The following PRKCA variants were observed in gnomAD, a reference collection of about 807,000 sequenced individuals.
PRKCA encodes the protein protein kinase C alpha type.
Under a neutral mutation model 87.0 loss-of-function variants are expected in PRKCA, and 27 were observed. That is an observed-to-expected ratio of 0.31 (90% confidence interval 0.23 to 0.43). The LOEUF is 0.43. Ranked by LOEUF, PRKCA falls within the 20% of genes least tolerant of loss-of-function variation. The pLI, the probability that PRKCA is intolerant of heterozygous loss-of-function variation, is 1.00. For synonymous variants in PRKCA, 329 were observed against 311.1 expected (o/e 1.06, Z -0.61); for missense variants, 518 against 852.3 (o/e 0.61, Z 4.88).
intron 2 of PRKCA, among the ~76,000 whole-genome samples, chr17:66,454,782 T>G (rs376642230): frequency 5.9e-5 from 9 of 152,198 alleles, no homozygotes; most frequent in African/African-American, 1.7e-4. Context: ...GAGGTACAAT[T>G]CGAGATGAGA....
intron 2 of PRKCA, among the ~76,000 whole-genome samples, chr17:66,339,216 T>G (rs1306190848): frequency 6.6e-6 from 1 of 152,228 alleles, no homozygotes; most frequent in East Asian, 1.9e-4. Context: ...GTTATAACCT[T>G]CCAGAGTGTT....
At chr17:66,376,214 T>C (rs997272760) in intron 2 of PRKCA, among the ~76,000 whole-genome samples, 3 of 152,148 alleles carry the variant, frequency 2.0e-5, no homozygotes, top group Non-Finnish European at 4.4e-5. Context: ...TGATACCTAG[T>C]CATGTTTGAG....
At chr17:66,490,103 TAATG>T (rs1425923580) in intron 2 of PRKCA, among the ~76,000 whole-genome samples, 1 of 152,130 alleles carries the variant, frequency 6.6e-6, no homozygotes. Context: ...CTTGATGTCA[TAATG>T]AACTCAATTA....
rs148926770 is a variant in PRKCA at position 66,783,342 on chromosome 17, G to A, written c.1606-3525G>A. Among the ~76,000 whole-genome samples, 780 of 152,340 alleles carry A rather than the reference G, an allele frequency of 5.1e-3. 5 individuals carry two copies. The highest frequency in any genetic ancestry group is 0.012 in the Admixed American group (184 of 15,298). On this transcript the variant is annotated intron_variant, in intron 14 of 16. Coordinates refer to ENST00000413366, the MANE Select transcript of PRKCA (RefSeq NM_002737.3). ...ATTTAAATGTTAAAGCAAATTGCCAGAGAGGGGTAGAGGATGCAAACTTGG... is the reference window on the plus strand; with the variant it reads ...ATTTAAATGTTAAAGCAAATTGCCAAAGAGGGGTAGAGGATGCAAACTTGG...
chr17:66,500,354 G>A (rs1010683175), intron 3 of PRKCA, among the ~76,000 whole-genome samples: 13 of 152,202 alleles, frequency 8.5e-5, no homozygotes, highest in Admixed American at 7.9e-4. Context: ...TCTTATGAAG[G>A]TACAAGGTGG....
chr17:66,721,013 C>T (rs1301415108), intron 8 of PRKCA, among the ~76,000 whole-genome samples: 5 of 152,088 alleles, frequency 3.3e-5, no homozygotes, highest in Admixed American at 2.6e-4. Context: ...AATCCAGACC[C>T]CAAGAGAGAG....
chr17:66,306,435 A>G lies in PRKCA; in HGVS notation c.205+308A>G, dbSNP rs531107335. On this transcript the variant is annotated intron_variant, in intron 2 of 16. Transcript: ENST00000413366. Reference sequence around the variant, plus strand: ...TGAGAAAAAAATGGAATCACTTTGTATTCAAGTGGCTTTTCTTCCTTGTTC... The same window carrying G: ...TGAGAAAAAAATGGAATCACTTTGTGTTCAAGTGGCTTTTCTTCCTTGTTC... The G allele has an allele frequency of 1.1e-4, 32 of 291,922 alleles. 1 individual carries two copies. The South Asian group carries it at 2.4e-3, about 22-fold the overall frequency. The allele number at this position is 291,922 out of a possible 1,614,324, so 18.1% of individuals were successfully genotyped here.
At chr17:66,628,505 C>T (rs72845959) in intron 3 of PRKCA, among the ~76,000 whole-genome samples, 348 of 152,114 alleles carry the variant, frequency 2.3e-3, no homozygotes, top group Non-Finnish European at 4.1e-3. Flanking sequence ...CTTTTTTTCT[C>T]TCTCATCTTT....
chr17:66,408,442 G>A (rs1300484316), intron 2 of PRKCA, among the ~76,000 whole-genome samples: 1 of 152,174 alleles, frequency 6.6e-6, no homozygotes, highest in East Asian at 1.9e-4. Context: ...GTAAAAATGA[G>A]GGAATACATT....
At chr17:66,769,739 C>T (rs1303259499) in intron 13 of PRKCA, among the ~76,000 whole-genome samples, 1 of 152,178 alleles carries the variant, frequency 6.6e-6, no homozygotes, top group Non-Finnish European at 1.5e-5. Flanking sequence ...TTTTCTTAGA[C>T]TATTATTTTA....
At chr17:66,557,984 C>T (rs28625506) in intron 3 of PRKCA, among the ~76,000 whole-genome samples, 35,295 of 152,186 alleles carry the variant, frequency 0.23, 4,194 homozygotes, top group South Asian at 0.35. Context: ...CAAATGTACT[C>T]GTTTGCTGAC....
At chr17:66,608,888 A>T (rs1474298345) in intron 3 of PRKCA, among the ~76,000 whole-genome samples, 1 of 152,254 alleles carries the variant, frequency 6.6e-6, no homozygotes, top group East Asian at 1.9e-4. Context: ...AAAGACTTTT[A>T]AAAAAGATTA....
intron 5 of PRKCA, among the ~76,000 whole-genome samples, chr17:66,656,709 C>T (rs538723217): frequency 2.6e-5 from 4 of 152,184 alleles, no homozygotes; most frequent in Non-Finnish European, 4.4e-5. Context: ...TTTTGTTTCC[C>T]GGTTCTCCAT....
intron 2 of PRKCA, among the ~76,000 whole-genome samples, chr17:66,426,404 G>T (rs1433876533): frequency 6.6e-6 from 1 of 152,212 alleles, no homozygotes; most frequent in African/African-American, 2.4e-5. Flanking sequence ...AGCCTGTGTT[G>T]TGCAAAGTGA....
chr17:66,791,331 G>A (rs1975529295), intron 16 of PRKCA, among the ~76,000 whole-genome samples: 2 of 152,072 alleles, frequency 1.3e-5, no homozygotes, highest in Admixed American at 1.3e-4. Context: ...CCAGAAGGAA[G>A]GAAGAGATTT....
intron 5 of PRKCA, among the ~76,000 whole-genome samples, chr17:66,676,133 T>C (rs763279312): frequency 6.6e-5 from 10 of 152,194 alleles, no homozygotes; most frequent in Non-Finnish European, 1.3e-4. Flanking sequence ...GGCAGCTTCT[T>C]AGACCCAAGT....
chr17:66,541,867 T>C (rs1216327552), intron 3 of PRKCA, among the ~76,000 whole-genome samples: 1 of 152,250 alleles, frequency 6.6e-6, no homozygotes, highest in African/African-American at 2.4e-5. Context: ...CTCTCAGTTA[T>C]CACTTAAATG....
intron 2 of PRKCA, among the ~76,000 whole-genome samples, chr17:66,474,932 G>A (rs899834086): frequency 6.6e-6 from 1 of 152,098 alleles, no homozygotes; most frequent in African/African-American, 2.4e-5. Flanking sequence ...TCCATTTCCA[G>A]GTAGACCTTA....
At chr17:66,370,591 G>A (rs982098753) in intron 2 of PRKCA, among the ~76,000 whole-genome samples, 12 of 124,246 alleles carry the variant, frequency 9.7e-5, no homozygotes, top group African/African-American at 3.5e-4. Flanking sequence ...TCACTCTGTC[G>A]CCCAAGATGC....
Sources: gnomAD v4.1 joint callset for allele counts (sites outside exome capture counted in the v4.1 genomes callset) on GRCh38, gnomAD v4.1.1 for gene constraint, MANE v1.5 for transcripts, NCBI Gene and HGNC (gene_info 2026-07-23, HGNC 2026-07-21) for gene names.